The following PLET1 variants were observed in gnomAD, a reference collection of about 807,000 sequenced individuals.
The protein encoded by PLET1 is placenta-expressed transcript 1 protein.
PLET1 carries 20 observed loss-of-function variants against 18.5 expected under a neutral mutation model. That is an observed-to-expected ratio of 1.08 (90% CI 0.76 to 1.57). The LOEUF (loss-of-function observed/expected upper bound fraction) is 1.57. PLET1 is among the 40% of genes most tolerant of loss of function. The pLI, the probability that PLET1 is intolerant of heterozygous loss-of-function variation, is 0.00. For missense variants in PLET1, 256 were observed against 246.4 expected (o/e 1.04, Z -0.26); for synonymous variants, 93 against 93.8 (o/e 0.99, Z 0.05).
chr11:112,251,545 A>C (rs1262393573), intron 3 of PLET1, among the ~76,000 whole-genome samples: 8 of 152,222 alleles, frequency 5.3e-5, no homozygotes, highest in Non-Finnish European at 1.0e-4. Flanking sequence ...ACTGCACTCC[A>C]GCCTGGGCAA....
chr11:112,256,337 C>G (rs1176693517), intron 1 of PLET1, among the ~76,000 whole-genome samples: 1 of 152,178 alleles, frequency 6.6e-6, no homozygotes, highest in Non-Finnish European at 1.5e-5. Flanking sequence ...GCCCTTTCAG[C>G]CACGCAAAAT....
At position 112,260,524 on chromosome 11, in the gene PLET1, A is replaced by G. The variant is rs1279712485; in HGVS notation, c.66T>C (p.Leu22=). Residue 22 remains leucine (L), a synonymous_variant, in exon 1 of 4, where the codon CTT becomes CTC. Transcript: ENST00000338832. The stretch of plus-strand genomic sequence containing the variant: ...TGTACCTTATAAAGGTGGCAGAAGA[A>G]AGCTGCAGACTGAGGCACAGAAACA... ...LGMFLCLSLQ[L]SSATFIRYSS... 1 of 1,551,588 alleles carries G rather than the reference A, an allele frequency of 6.4e-7. No individual in the cohort carries two copies. Among genetic ancestry groups the G allele is most frequent in the East Asian group, 2.4e-5 (1 of 40,944 alleles).
intron 1 of PLET1, among the ~76,000 whole-genome samples, chr11:112,256,956 C>A (rs889996463): frequency 6.6e-6 from 1 of 152,206 alleles, no homozygotes; most frequent in African/African-American, 2.4e-5. Context: ...GGATTTCTGG[C>A]CTTAGGTTCT....
At chr11:112,256,271 C>G (rs1860223326) in intron 1 of PLET1, among the ~76,000 whole-genome samples, 1 of 152,152 alleles carries the variant, frequency 6.6e-6, no homozygotes, top group African/African-American at 2.4e-5. Context: ...CATTTCTTCC[C>G]TTAGGAGTTC....
chr11:112,258,124 G>A (rs575189738), intron 1 of PLET1, among the ~76,000 whole-genome samples: 74 of 152,170 alleles, frequency 4.9e-4, no homozygotes, highest in African/African-American at 4.3e-4. Context: ...CTCTTTTGCC[G>A]TTCCCTTTCC....
chr11:112,254,351 G>GTA (rs397776702), intron 2 of PLET1, among the ~76,000 whole-genome samples: 1 of 144,846 alleles, frequency 6.9e-6, no homozygotes, highest in African/African-American at 2.6e-5. Flanking sequence ...GTGTGTGTGT[G>GTA]GTATTTGTAT....
intron 2 of PLET1, 67 bp downstream of exon 2, chr11:112,255,321 A>T: frequency 7.0e-7 from 1 of 1,436,130 alleles, no homozygotes; most frequent in Non-Finnish European, 9.6e-7. Context: ...CTCCTAGCTT[A>T]GTGTAAAACT....
In PLET1 at chr11:112,248,813, T is replaced by C; in HGVS notation, c.610A>G (p.Thr204Ala). The change falls in exon 4 of 4, where the codon ACA becomes GCA. Residue 204 changes from threonine (T) to alanine (A), a missense_variant. Coordinates refer to ENST00000338832, the MANE Select transcript of PLET1 (RefSeq NM_001145024.1). ...IYILLAFLTSTLLF is the reference protein window; with the variant it reads ...IYILLAFLTSALLF ...CTGGCTTCCCTTTAGAAGAGAAGTG[T>C]GCTGGTGAGAAAAGCAAGCAGGATA... 1.9e-6 allele frequency: 3 copies of C among 1,551,524 alleles called. No homozygotes were observed. Among genetic ancestry groups the C allele is most frequent in the Non-Finnish European group, 2.6e-6 (3 of 1,146,964 alleles).
chr11:112,254,065 C>T (rs1286439662), intron 2 of PLET1, among the ~76,000 whole-genome samples: 1 of 152,210 alleles, frequency 6.6e-6, no homozygotes, highest in Non-Finnish European at 1.5e-5. Flanking sequence ...ACAATCATCA[C>T]ACTTTCTGTT....
chr11:112,253,660 G>A (rs1319068378), intron 2 of PLET1, among the ~76,000 whole-genome samples: 1 of 152,222 alleles, frequency 6.6e-6, no homozygotes, highest in East Asian at 1.9e-4. Context: ...TGCTGTCATT[G>A]GGAAGCTGGA....
intron 3 of PLET1, 78 bp from the exon 4 acceptor site, chr11:112,249,052 A>G (rs972878281): frequency 2.3e-6 from 3 of 1,307,390 alleles, no homozygotes; most frequent in Non-Finnish European, 3.2e-6. Context: ...TGGGCACTCG[A>G]GAAAGGAGGG....
chr11:112,254,478 GGTAT>G (rs1411224276), intron 2 of PLET1, among the ~76,000 whole-genome samples: 1 of 148,384 alleles, frequency 6.7e-6, no homozygotes, highest in Non-Finnish European at 1.5e-5. Context: ...TGGTGCATGT[GGTAT>G]GTATGTGTGT....
Position 112,255,520 on chromosome 11 carries a change from G to A in PLET1, c.254C>T (p.Ala85Val), listed in dbSNP as rs1362974142. The A allele has an allele frequency of 6.4e-7, 1 of 1,551,540 alleles. No homozygotes were observed. The highest frequency in any genetic ancestry group is 8.7e-7 in the Non-Finnish European group (1 of 1,146,878). Residue 85 changes from alanine (A) to valine (V), a missense_variant, in exon 2 of 4, where the codon GCG (alanine) becomes GTG (valine). Transcript: ENST00000338832. ...MKTLDENSDS[A>V]GLWQRADKNC... The stretch of plus-strand genomic sequence containing the variant: ...TTTATCCGCTCTTTGCCAGAGGCCC[G>A]CTGAGTCACTGTTCTCGTCCAAGGT...
chr11:112,254,400 C>A (rs1860190628), intron 2 of PLET1, among the ~76,000 whole-genome samples: 1 of 120,850 alleles, frequency 8.3e-6, no homozygotes, highest in South Asian at 2.8e-4. Context: ...TGTGTGGTAC[C>A]TCTATCGTGT....
Position 112,255,279 on chromosome 11 carries a change from C to A in PLET1, c.386+109G>T, listed in dbSNP as rs565962797. 10 of 1,148,958 alleles carry A rather than the reference C, an allele frequency of 8.7e-6. No individual in the cohort carries two copies. The South Asian group carries it at 1.2e-4, about 14-fold the overall frequency. The allele number at this position is 1,148,958 out of a possible 1,614,324, so 71.2% of individuals were successfully genotyped here. A position where few individuals can be genotyped will look rare whatever the true frequency, so the allele number is the denominator to read the frequency against. On this transcript the variant is annotated intron_variant, in intron 2 of 3. Transcript: ENST00000338832. ...GGTAATGAAGTGCGACTGCTGAGTT[C>A]TCCATATCACGTCTGGATTGTATTT...
Position 112,250,316 on chromosome 11 carries a change from A to G in PLET1, c.449-1342T>C, listed in dbSNP as rs1471527060. ...GAGTGACACCATTTAAAAGTCAACT[A>G]CATCTTGCAACTAGCAAGCACATTC... On this transcript the variant is annotated intron_variant, in intron 3 of 3. Coordinates refer to ENST00000338832, the MANE Select transcript of PLET1 (RefSeq NM_001145024.1). 4.9e-5 allele frequency among the ~76,000 whole-genome samples: 7 copies of G among 144,122 alleles called. No individual in the cohort carries two copies. The East Asian group carries it at 1.2e-3, about 25-fold the overall frequency. The allele number at this position is 144,122 out of a possible 152,430, so 94.5% of individuals were successfully genotyped here.
intron 1 of PLET1, among the ~76,000 whole-genome samples, chr11:112,258,123 C>T (rs1004851338): frequency 9.2e-5 from 14 of 152,038 alleles, no homozygotes; most frequent in East Asian, 5.8e-4. Context: ...TCTCTTTTGC[C>T]GTTCCCTTTC....
At chr11:112,260,327 G>T in intron 1 of PLET1, 79 bp downstream of exon 1, 2 of 1,303,766 alleles carry the variant, frequency 1.5e-6, no homozygotes, top group Non-Finnish European at 2.1e-6. Flanking sequence ...TGAGAGTAGC[G>T]ATAGAGGGGT....
rs145774885 is a variant in PLET1 at position 112,256,627 on chromosome 11, G to A, written c.185-1038C>T. 1.7e-3 allele frequency among the ~76,000 whole-genome samples: 257 copies of A among 152,292 alleles called. 1 individual carries two copies. The highest frequency in any genetic ancestry group is 5.6e-3 in the African/African-American group (231 of 41,560). ...GGTCCCGGAGAATAAAGAGAAGAAT[G>A]TGAAGATTTTAATACATGGGGAGTA... On this transcript the variant is annotated intron_variant, in intron 1 of 3. Transcript: ENST00000338832.
Sources: gnomAD v4.1 joint callset for allele counts (sites outside exome capture counted in the v4.1 genomes callset) on GRCh38, gnomAD v4.1.1 for gene constraint, MANE v1.5 for transcripts, NCBI Gene and HGNC (gene_info 2026-07-23, HGNC 2026-07-21) for gene names.